Variants in PLCH1 observed in about 807,000 individuals in gnomAD.
The protein encoded by PLCH1 is 1-phosphatidylinositol 4,5-bisphosphate phosphodiesterase eta-1.
A neutral mutation model predicts 126.7 loss-of-function variants in PLCH1; 60 were observed. The observed-to-expected ratio is 0.47, with a 90% CI of 0.38 to 0.59. The LOEUF is 0.59. Ranked by LOEUF, PLCH1 falls within the 20% of genes least tolerant of loss-of-function variation. The pLI is 0.00. For synonymous variants in PLCH1, 719 were observed against 734.9 expected (o/e 0.98, Z 0.35); for missense variants, 1,723 against 2,040.0 (o/e 0.84, Z 2.99).
intron 8 of PLCH1, among the ~76,000 whole-genome samples, chr3:155,563,597 G>C (rs1275861622): frequency 6.8e-6 from 1 of 148,134 alleles, no homozygotes; most frequent in Non-Finnish European, 1.5e-5. Flanking sequence ...CCTGCTTCCA[G>C]TTTCACCTCC....
intron 2 of PLCH1, among the ~76,000 whole-genome samples, chr3:155,627,811 A>G (rs535266483): frequency 2.7e-5 from 4 of 149,252 alleles, no homozygotes; most frequent in African/African-American, 7.4e-5. Flanking sequence ...TCCATCGCCC[A>G]GGCTGGAGTG....
downstream of PLCH1, among the ~76,000 whole-genome samples, chr3:155,477,025 A>G (rs112416887): frequency 0.015 from 2,213 of 152,262 alleles, 49 homozygotes; most frequent in African/African-American, 0.051. Flanking sequence ...AGTAACCAAA[A>G]CAGCATGGTA....
At chr3:155,628,356 G>GAAAAAAAAA (rs34200511) in intron 2 of PLCH1, among the ~76,000 whole-genome samples, 1 of 98,158 alleles carries the variant, frequency 1.0e-5, no homozygotes, top group African/African-American at 4.3e-5. Flanking sequence ...CTATGCCCAG[G>GAAAAAAAAA]AAAAAAAAAA....
chr3:155,642,844 C>CTA (rs1367215260), intron 2 of PLCH1, among the ~76,000 whole-genome samples: 7 of 152,190 alleles, frequency 4.6e-5, no homozygotes, highest in African/African-American at 1.7e-4. Flanking sequence ...TTGAATTAGA[C>CTA]AGTCTATGTA....
At chr3:155,502,495 G>C (rs563337325) in intron 13 of PLCH1, among the ~76,000 whole-genome samples, 1 of 152,154 alleles carries the variant, frequency 6.6e-6, no homozygotes, top group Non-Finnish European at 1.5e-5. Context: ...GTAATGACAA[G>C]TTGCAATCCA....
chr3:155,739,789 C>T (rs905597411), intron 1 of PLCH1, among the ~76,000 whole-genome samples: 2 of 152,172 alleles, frequency 1.3e-5, no homozygotes, highest in Admixed American at 6.5e-5. Context: ...AGAAACTAAC[C>T]TCTCTGAACC....
chr3:155,607,128 C>A (rs1186926216), intron 2 of PLCH1, among the ~76,000 whole-genome samples: 1 of 152,110 alleles, frequency 6.6e-6, no homozygotes, highest in Non-Finnish European at 1.5e-5. Context: ...GAGTTGCCCT[C>A]TTAAAAATGC....
chr3:155,673,396 CA>C (rs1743735908), intron 2 of PLCH1, among the ~76,000 whole-genome samples: 2 of 152,030 alleles, frequency 1.3e-5, no homozygotes, highest in African/African-American at 4.8e-5. Flanking sequence ...GTAGATAAAG[CA>C]CATGGTCTAT....
rs370336018 is a variant in PLCH1, at chr3:155,481,088, C to T, written c.4938G>A (p.Glu1646=). Residue 1646 remains glutamate, a synonymous_variant, in exon 23 of 23, where the codon GAG becomes GAA. Coordinates refer to ENST00000460012, the MANE Select transcript of PLCH1 (RefSeq NM_014996.4). The surrounding 1 kb of genome is among the most constrained non-coding windows in gnomAD (Gnocchi z 4.2). ...CATAGTGAAGAGCCGTGCATGCCCC[C>T]TCTGGGATGCCCCGGCCTTCAAGGC... The part of the protein sequence containing the change: ...GGGLEGRGIP[E]GACTALHYGH... 6 of 1,614,084 alleles carry T rather than the reference C, an allele frequency of 3.7e-6. No homozygotes were observed. Among genetic ancestry groups the T allele is most frequent in the Non-Finnish European group, 5.1e-6 (6 of 1,180,014 alleles).
intron 4 of PLCH1, among the ~76,000 whole-genome samples, chr3:155,587,045 T>G (rs746611641): frequency 6.6e-6 from 1 of 152,232 alleles, no homozygotes; most frequent in African/African-American, 2.4e-5. Context: ...CTTTTCATTT[T>G]CTGACCAGTT....
chr3:155,582,442 G>C (rs1036301397), intron 6 of PLCH1, among the ~76,000 whole-genome samples: 1 of 152,098 alleles, frequency 6.6e-6, no homozygotes, highest in Non-Finnish European at 1.5e-5. Context: ...TTTAAAAATG[G>C]TGAATTTTAT....
chr3:155,458,757 G>A (rs1712596805), intron 21 of PLCH1, among the ~76,000 whole-genome samples: 1 of 152,182 alleles, frequency 6.6e-6, no homozygotes, highest in African/African-American at 2.4e-5. Context: ...CTAACGGACT[G>A]CTCTGAGATG....
intron 2 of PLCH1, among the ~76,000 whole-genome samples, chr3:155,630,526 G>C (rs185761947): frequency 2.0e-5 from 3 of 152,160 alleles, no homozygotes; most frequent in African/African-American, 7.2e-5. Context: ...TCAGGTCTTT[G>C]GGCTGCCTGC....
At chr3:155,613,278 G>C (rs981741339) in intron 2 of PLCH1, among the ~76,000 whole-genome samples, 4 of 152,022 alleles carry the variant, frequency 2.6e-5, no homozygotes, top group African/African-American at 9.7e-5. Context: ...GAGAAAGAGG[G>C]AATCCTCCCT....
chr3:155,499,697 C>A (rs547188424), intron 14 of PLCH1, among the ~76,000 whole-genome samples: 1 of 152,210 alleles, frequency 6.6e-6, no homozygotes, highest in Middle Eastern at 3.2e-3. Flanking sequence ...TCAAACACTG[C>A]CTTTTCCCTG....
At chr3:155,524,719 A>C (rs934479127) in intron 10 of PLCH1, among the ~76,000 whole-genome samples, 1 of 152,168 alleles carries the variant, frequency 6.6e-6, no homozygotes, top group Non-Finnish European at 1.5e-5. Flanking sequence ...TCAAAAATAG[A>C]TGACTTGGAA....
intron 3 of PLCH1, among the ~76,000 whole-genome samples, 160 bp downstream of exon 3, chr3:155,596,072 C>T (rs941452268): frequency 2.6e-5 from 4 of 152,000 alleles, no homozygotes; most frequent in Non-Finnish European, 5.9e-5. Flanking sequence ...TTAAATTCCC[C>T]AAAGATGGTC....
chr3:155,488,256 G>A, intron 20 of PLCH1, 149 bp from the exon 21 acceptor site: 2 of 609,936 alleles, frequency 3.3e-6, no homozygotes, highest in Non-Finnish European at 5.8e-6. Flanking sequence ...GGAATGCAGT[G>A]GCATGATCTT....
At chr3:155,687,733 T>G (rs1363564517) in intron 2 of PLCH1, among the ~76,000 whole-genome samples, 1 of 152,196 alleles carries the variant, frequency 6.6e-6, no homozygotes, top group East Asian at 1.9e-4. Context: ...AGTATTTGTC[T>G]TTAAAAAATA....
Sources: allele counts gnomAD v4.1 joint callset (sites outside exome capture counted in the v4.1 genomes callset), GRCh38; gene constraint gnomAD v4.1.1; non-coding constraint Gnocchi (gnomAD v3.1); transcripts MANE v1.5; gene names NCBI Gene and HGNC (gene_info 2026-07-23, HGNC 2026-07-21).